The following CATSPERT variants were observed in gnomAD, a reference collection of about 807,000 sequenced individuals.
CATSPERT encodes the protein cation channel sperm-associated targeting subunit tau.
chr2:201,558,692 G>A, the CATSPERT span, among the ~76,000 whole-genome samples: 1 of 152,176 alleles, frequency 6.6e-6, no homozygotes, highest in Admixed American at 6.5e-5. Flanking sequence ...TCACATAGCT[G>A]CATTGCCCTG....
chr2:201,559,475 C>A, the CATSPERT span, among the ~76,000 whole-genome samples: 1 of 152,366 alleles, frequency 6.6e-6, no homozygotes, highest in South Asian at 2.1e-4. Flanking sequence ...AGCTGAACAG[C>A]TGTGTGCCCA....
the CATSPERT span, among the ~76,000 whole-genome samples, chr2:201,521,465 G>C: frequency 1.7e-4 from 22 of 127,332 alleles, no homozygotes; most frequent in East Asian, 8.7e-4. Flanking sequence ...GAGACACACA[G>C]AGAGAGGTGC....
the CATSPERT span, among the ~76,000 whole-genome samples, chr2:201,512,609 TATAA>T: frequency 6.6e-6 from 1 of 152,206 alleles, no homozygotes; most frequent in East Asian, 1.9e-4. Context: ...TTGTTGTATA[TATAA>T]ATAGTTTATT....
the CATSPERT span, chr2:201,601,601 T>A: frequency 1.4e-6 from 1 of 738,474 alleles, no homozygotes; most frequent in Non-Finnish European, 2.1e-6. Flanking sequence ...AGAAATAGAA[T>A]ACTGTAAGAT....
At chr2:201,548,185 T>C in the CATSPERT span, among the ~76,000 whole-genome samples, 4 of 152,144 alleles carry the variant, frequency 2.6e-5, no homozygotes. Context: ...TTTCTCCTAA[T>C]GCTATCCCTC....
the CATSPERT span, among the ~76,000 whole-genome samples, chr2:201,522,570 G>A: frequency 6.6e-6 from 1 of 152,176 alleles, no homozygotes; most frequent in African/African-American, 2.4e-5. Flanking sequence ...TCTAAGGAAA[G>A]GGTAGGTTAA....
the CATSPERT span, chr2:201,491,445 G>A: frequency 1.3e-6 from 2 of 1,536,992 alleles, no homozygotes; most frequent in South Asian, 2.4e-5. Flanking sequence ...ATTTTTCACT[G>A]CAAATTTCAT....
the CATSPERT span, among the ~76,000 whole-genome samples, chr2:201,588,162 C>T: frequency 6.6e-6 from 1 of 152,144 alleles, no homozygotes; most frequent in South Asian, 2.1e-4. Context: ...CAGCATCACC[C>T]TGATGAAAAC....
the CATSPERT span, among the ~76,000 whole-genome samples, chr2:201,496,651 C>T: frequency 6.6e-6 from 1 of 152,104 alleles, no homozygotes; most frequent in Admixed American, 6.5e-5. Context: ...CCATAGATAG[C>T]ATTTTCAATG....
the CATSPERT span, chr2:201,571,998 G>GT: frequency 6.2e-7 from 1 of 1,612,958 alleles, no homozygotes; most frequent in South Asian, 1.1e-5. Flanking sequence ...GGATGGCTCA[G>GT]TAATTTTCTG....
the CATSPERT span, among the ~76,000 whole-genome samples, chr2:201,577,913 T>G: frequency 2.1e-3 from 318 of 152,304 alleles, no homozygotes; most frequent in African/African-American, 7.2e-3. Context: ...ATGGAAATAT[T>G]AATTGGTTTG....
the CATSPERT span, among the ~76,000 whole-genome samples, chr2:201,513,748 C>T: frequency 1.3e-5 from 2 of 152,054 alleles, no homozygotes; most frequent in Admixed American, 6.6e-5. Flanking sequence ...ACTATGTAGC[C>T]GTAACAAAAT....
At chr2:201,579,756 A>G in the CATSPERT span, among the ~76,000 whole-genome samples, 2 of 151,154 alleles carry the variant, frequency 1.3e-5, no homozygotes, top group Non-Finnish European at 3.0e-5. Flanking sequence ...ATCTTAAGGT[A>G]TTGTTTAACA....
the CATSPERT span, among the ~76,000 whole-genome samples, chr2:201,606,168 A>T: frequency 6.6e-6 from 1 of 152,248 alleles, no homozygotes; most frequent in African/African-American, 2.4e-5. Flanking sequence ...TTTAAGTATT[A>T]AGAGAAAAAT....
the CATSPERT span, chr2:201,488,041 T>A: frequency 2.8e-6 from 2 of 706,056 alleles, no homozygotes; most frequent in Non-Finnish European, 4.6e-6. Flanking sequence ...TAGCAACAGT[T>A]AAAGACAAAG....
At chr2:201,513,932 A>T in the CATSPERT span, among the ~76,000 whole-genome samples, 1 of 152,230 alleles carries the variant, frequency 6.6e-6, no homozygotes, top group African/African-American at 2.4e-5. Context: ...GAAACTAAAG[A>T]CATTTCTGAG....
chr2:201,511,175 T>C, the CATSPERT span, among the ~76,000 whole-genome samples: 1 of 152,204 alleles, frequency 6.6e-6, no homozygotes, highest in Admixed American at 6.5e-5. Context: ...TTCTAGCGTT[T>C]TGATGCAAAT....
At chr2:201,593,305 T>C in the CATSPERT span, among the ~76,000 whole-genome samples, 2 of 151,708 alleles carry the variant, frequency 1.3e-5, no homozygotes, top group Non-Finnish European at 2.9e-5. Flanking sequence ...AGTGAGATTC[T>C]TAATCCTGAG....
At chr2:201,589,483 T>C in the CATSPERT span, among the ~76,000 whole-genome samples, 1 of 151,894 alleles carries the variant, frequency 6.6e-6, no homozygotes, top group Non-Finnish European at 1.5e-5. Context: ...TTGACAAACC[T>C]GACAAAAACA....
Sources: gnomAD v4.1 joint callset for allele counts (sites outside exome capture counted in the v4.1 genomes callset) on GRCh38, gnomAD v4.1.1 for gene constraint, MANE v1.5 for transcripts, NCBI Gene and HGNC (gene_info 2026-07-23, HGNC 2026-07-21) for gene names.